CACNA2D3: variants seen among roughly 807,000 people sequenced by gnomAD.
CACNA2D3 encodes the protein voltage-dependent calcium channel subunit alpha-2/delta-3.
CACNA2D3 carries 60 observed loss-of-function variants against 160.6 expected under a neutral mutation model. The ratio of observed to expected loss-of-function variants is 0.37; its 90% CI spans 0.30 to 0.46. The LOEUF is 0.46. Among genes scored for constraint, CACNA2D3 ranks in the 20% least tolerant of loss-of-function variants. CACNA2D3 has a pLI of 1.00. For missense variants in CACNA2D3, 1,205 were observed against 1,365.0 expected (o/e 0.88, Z 1.85); for synonymous variants, 558 against 492.9 (o/e 1.13, Z -1.75).
At chr3:54,766,106 TA>T (rs1187213619) in intron 13 of CACNA2D3, among the ~76,000 whole-genome samples, 1 of 152,032 alleles carries the variant, frequency 6.6e-6, no homozygotes, top group African/African-American at 2.4e-5. Context: ...AAGAGAAAGA[TA>T]AATAAGTTTG....
intron 5 of CACNA2D3, among the ~76,000 whole-genome samples, chr3:54,506,172 T>C (rs1701366121): frequency 6.7e-6 from 1 of 148,956 alleles, no homozygotes; most frequent in Admixed American, 6.6e-5. Context: ...CTAACAGCCT[T>C]TTTTTTTTGT....
intron 11 of CACNA2D3, among the ~76,000 whole-genome samples, chr3:54,724,860 G>C (rs1386681207): frequency 6.6e-6 from 1 of 152,114 alleles, no homozygotes; most frequent in African/African-American, 2.4e-5. Context: ...AATTGAACTA[G>C]AGAAGCAACA....
intron 8 of CACNA2D3, among the ~76,000 whole-genome samples, chr3:54,580,454 G>T (rs939120403): frequency 9.9e-5 from 15 of 152,008 alleles, no homozygotes; most frequent in African/African-American, 3.6e-4. Flanking sequence ...GCCCTGCCTG[G>T]TCCTCGCTGA....
At chr3:54,777,604 C>T (rs986970193) in intron 13 of CACNA2D3, among the ~76,000 whole-genome samples, 17 of 152,166 alleles carry the variant, frequency 1.1e-4, no homozygotes, top group Admixed American at 5.2e-4. Context: ...CTATTAAACA[C>T]GCTTGTCATT....
chr3:54,463,387 A>G, intron 4 of CACNA2D3, among the ~76,000 whole-genome samples: 1 of 152,134 alleles, frequency 6.6e-6, no homozygotes, highest in Non-Finnish European at 1.5e-5. Flanking sequence ...ACTTGGTTCC[A>G]TTCTTCCCGT....
intron 17 of CACNA2D3, among the ~76,000 whole-genome samples, chr3:54,854,198 CAA>C (rs1320730109): frequency 6.6e-6 from 1 of 152,156 alleles, no homozygotes; most frequent in Non-Finnish European, 1.5e-5. Flanking sequence ...AAAAAATAAA[CAA>C]GACTGTGTGA....
intron 2 of CACNA2D3, among the ~76,000 whole-genome samples, chr3:54,228,853 A>G (rs1331587463): frequency 6.6e-6 from 1 of 152,216 alleles, no homozygotes; most frequent in Non-Finnish European, 1.5e-5. Context: ...CCAGAGCGAC[A>G]CAGTGCCCTG....
intron 2 of CACNA2D3, among the ~76,000 whole-genome samples, chr3:54,286,185 A>T (rs1283757805): frequency 6.6e-6 from 1 of 152,240 alleles, no homozygotes; most frequent in Admixed American, 6.5e-5. Context: ...CTTTGAAAAA[A>T]AATTAGAGGA....
intron 2 of CACNA2D3, among the ~76,000 whole-genome samples, chr3:54,224,814 TTCTC>T (rs1701641058): frequency 6.6e-6 from 1 of 152,112 alleles, no homozygotes; most frequent in Admixed American, 6.6e-5. Context: ...TCTTTATTCT[TTCTC>T]ATGTTTCAGA....
intron 6 of CACNA2D3, among the ~76,000 whole-genome samples, chr3:54,568,557 A>G (rs1024471310): frequency 2.6e-5 from 4 of 152,254 alleles, no homozygotes; most frequent in African/African-American, 7.2e-5. Context: ...AGACTGTGCC[A>G]TCCTAATGGT....
At chr3:54,665,182 T>C (rs1431694411) in intron 11 of CACNA2D3, among the ~76,000 whole-genome samples, 1 of 152,198 alleles carries the variant, frequency 6.6e-6, no homozygotes, top group Non-Finnish European at 1.5e-5. Flanking sequence ...GGAAACGACA[T>C]GTCCTGTTTG....
chr3:54,759,507 T>C (rs866628726), intron 12 of CACNA2D3, among the ~76,000 whole-genome samples: 2 of 151,302 alleles, frequency 1.3e-5, no homozygotes, highest in South Asian at 4.2e-4. Flanking sequence ...CTCAGAAAGA[T>C]TTTAAACTTT....
At chr3:54,618,352 C>CATATATATATATATATATATAT (rs140732966) in intron 9 of CACNA2D3, among the ~76,000 whole-genome samples, 14 of 119,874 alleles carry the variant, frequency 1.2e-4, no homozygotes, top group African/African-American at 4.2e-4. Flanking sequence ...TTGATACATA[C>CATATATATATATATATATATAT]ATATATATAT....
chr3:54,248,351 T>C (rs62252256), intron 2 of CACNA2D3, among the ~76,000 whole-genome samples: 1 of 151,612 alleles, frequency 6.6e-6, no homozygotes, highest in Non-Finnish European at 1.5e-5. Flanking sequence ...CATGGTGGCA[T>C]GCTCCTGTAA....
chr3:55,068,585 C>T lies in CACNA2D3; in HGVS notation c.2988-4860C>T, dbSNP rs146652805. Among the ~76,000 whole-genome samples the T allele has an allele frequency of 2.0e-4, 31 of 151,858 alleles. No homozygotes were observed. The East Asian group carries it at 2.7e-3, about 13-fold the overall frequency. On this transcript the variant is annotated intron_variant, in intron 35 of 37. Transcript: ENST00000474759. ...CAGAATTAAATATTCTTAAATAGTC[C>T]TAAATATTCTTAAATACTGGTACTT... is the stretch of plus-strand genomic sequence containing the variant.
At chr3:54,549,378 G>A (rs1246717854) in intron 5 of CACNA2D3, among the ~76,000 whole-genome samples, 1 of 152,180 alleles carries the variant, frequency 6.6e-6, no homozygotes, top group Non-Finnish European at 1.5e-5. Context: ...CCCAGGAGGC[G>A]GAACTTGCAG....
At position 54,984,586 on chromosome 3, in the gene CACNA2D3, TG is replaced by T. The variant is rs371875320; in HGVS notation, c.2557-21del. The stretch of plus-strand genomic sequence containing the variant: ...GAAGTTGAAGCTGTTTTTTTGTTTT[TG>T]TTTTTTTTTTAATTTTCTAGACTGT... On this transcript the variant is annotated intron_variant, in intron 29 of 37. Coordinates refer to ENST00000474759, the MANE Select transcript of CACNA2D3 (RefSeq NM_018398.3). 14 of 1,434,496 alleles carry T rather than the reference TG, an allele frequency of 9.8e-6. No individual in the cohort carries two copies. The African/African-American group carries it at 1.8e-4, about 18-fold the overall frequency. The allele number at this position is 1,434,496 out of a possible 1,614,324, so 88.9% of individuals were successfully genotyped here. A position where few individuals can be genotyped will look rare whatever the true frequency, so the allele number is the denominator to read the frequency against.
intron 2 of CACNA2D3, among the ~76,000 whole-genome samples, chr3:54,216,350 G>T (rs891379942): frequency 1.3e-5 from 2 of 152,172 alleles, no homozygotes; most frequent in South Asian, 4.1e-4. Context: ...TGCGTGTTTT[G>T]ATTATCTTTA....
At chr3:54,353,977 C>T (rs1418699979) in intron 3 of CACNA2D3, among the ~76,000 whole-genome samples, 2 of 152,152 alleles carry the variant, frequency 1.3e-5, no homozygotes, top group Non-Finnish European at 2.9e-5. Flanking sequence ...CTCTTAATTG[C>T]CTTCTTTGTG....
Sources: gnomAD v4.1 joint callset for allele counts (sites outside exome capture counted in the v4.1 genomes callset) on GRCh38, gnomAD v4.1.1 for gene constraint, MANE v1.5 for transcripts, NCBI Gene and HGNC (gene_info 2026-07-23, HGNC 2026-07-21) for gene names.